The following NCKAP5 variants were observed in gnomAD, a reference collection of about 807,000 sequenced individuals.
NCKAP5 encodes NCK associated protein 5.
Under a neutral mutation model 167.0 loss-of-function variants are expected in NCKAP5, and 92 were observed. The ratio of observed to expected loss-of-function variants is 0.55; its 90% confidence interval spans 0.47 to 0.66. The LOEUF (loss-of-function observed/expected upper bound fraction) is 0.66, where lower values mean the gene tolerates loss of function less well. NCKAP5 is among the 30% of genes least tolerant of loss of function. The probability of loss-of-function intolerance (pLI) is 0.00; values close to 1 mark genes in which losing one functional copy is unlikely to be tolerated. For synonymous variants in NCKAP5, 891 were observed against 877.4 expected (o/e 1.02, Z -0.27); for missense variants, 2,378 against 2,315.0 (o/e 1.03, Z -0.56).
chr2:132,813,481 T>C (rs1212603001), intron 11 of NCKAP5, among the ~76,000 whole-genome samples: 1 of 152,164 alleles, frequency 6.6e-6, no homozygotes, highest in Non-Finnish European at 1.5e-5. Context: ...AGTATGCTTC[T>C]TCCTAAAAGG....
At chr2:133,028,261 CCATT>C (rs933323285) in intron 6 of NCKAP5, among the ~76,000 whole-genome samples, 3 of 152,022 alleles carry the variant, frequency 2.0e-5, no homozygotes, top group Admixed American at 6.6e-5. Context: ...TATTAGCTGC[CCATT>C]CAATCAAGCA....
At chr2:132,724,335 T>C (rs1690235647) in intron 19 of NCKAP5, among the ~76,000 whole-genome samples, 1 of 152,204 alleles carries the variant, frequency 6.6e-6, no homozygotes, top group African/African-American at 2.4e-5. Flanking sequence ...CTGGAAGGGA[T>C]CTTTGTCCAT....
intron 8 of NCKAP5, among the ~76,000 whole-genome samples, chr2:132,933,073 T>A (rs142933808): frequency 6.6e-6 from 1 of 151,994 alleles, no homozygotes; most frequent in Non-Finnish European, 1.5e-5. Flanking sequence ...TACAGGCACC[T>A]GCCACCACGC....
At chr2:133,614,201 G>A in the NCKAP5 span, among the ~76,000 whole-genome samples, 5 of 152,138 alleles carry the variant, frequency 3.3e-5, no homozygotes, top group East Asian at 1.9e-4. Flanking sequence ...AGGGAGTCTC[G>A]TGGTCTGGGG....
intron 11 of NCKAP5, among the ~76,000 whole-genome samples, chr2:132,839,234 G>A (rs1307881408): frequency 6.6e-6 from 1 of 151,974 alleles, no homozygotes; most frequent in East Asian, 1.9e-4. Flanking sequence ...TTCTTTTATA[G>A]CTTCTGGATT....
intron 5 of NCKAP5, among the ~76,000 whole-genome samples, chr2:133,193,103 G>T (rs1232653684): frequency 6.6e-6 from 1 of 152,064 alleles, no homozygotes; most frequent in Non-Finnish European, 1.5e-5. Flanking sequence ...ACAACAACTT[G>T]AATGATTCTC....
At chr2:133,157,359 G>C (rs1051873245) in intron 5 of NCKAP5, among the ~76,000 whole-genome samples, 1 of 152,174 alleles carries the variant, frequency 6.6e-6, no homozygotes, top group African/African-American at 2.4e-5. Context: ...AGGCATGTCT[G>C]TGAAGAACTA....
At chr2:133,280,469 C>G (rs958018536) in intron 4 of NCKAP5, among the ~76,000 whole-genome samples, 1 of 151,858 alleles carries the variant, frequency 6.6e-6, no homozygotes, top group Admixed American at 6.6e-5. Context: ...TGCAGTGGTA[C>G]GATCTCGGCT....
intron 6 of NCKAP5, among the ~76,000 whole-genome samples, chr2:133,021,969 T>G (rs2078545047): frequency 6.6e-6 from 1 of 152,194 alleles, no homozygotes; most frequent in South Asian, 2.1e-4. Context: ...GACAATGGTA[T>G]GTACACTTCT....
chr2:133,129,240 C>T (rs1477256514), intron 6 of NCKAP5, among the ~76,000 whole-genome samples: 2 of 151,824 alleles, frequency 1.3e-5, no homozygotes, highest in East Asian at 3.9e-4. Context: ...TGTTATCCCT[C>T]CCCGCTCCCC....
chr2:133,227,145 A>T (rs923604313), intron 4 of NCKAP5, among the ~76,000 whole-genome samples: 2 of 152,236 alleles, frequency 1.3e-5, no homozygotes, highest in African/African-American at 4.8e-5. Context: ...CTCTAGAGTT[A>T]TAAAATCTTT....
chr2:133,369,195 A>C (rs1200110547), intron 3 of NCKAP5, among the ~76,000 whole-genome samples: 1 of 152,232 alleles, frequency 6.6e-6, no homozygotes, highest in Non-Finnish European at 1.5e-5. Flanking sequence ...AAGGCACTTA[A>C]ACTGCATGAA....
chr2:132,690,305 G>A (rs941074490), intron 19 of NCKAP5, among the ~76,000 whole-genome samples: 1 of 152,196 alleles, frequency 6.6e-6, no homozygotes, highest in Admixed American at 6.5e-5. Flanking sequence ...ACTGTGTCCT[G>A]TCCAGGGCTG....
intron 4 of NCKAP5, among the ~76,000 whole-genome samples, chr2:133,251,572 T>G (rs1162546108): frequency 6.6e-6 from 1 of 152,100 alleles, no homozygotes; most frequent in Non-Finnish European, 1.5e-5. Context: ...GCATATAAAA[T>G]CATTCATTAT....
At chr2:133,558,695 T>C (rs982327213) in intron 2 of NCKAP5, among the ~76,000 whole-genome samples, 1 of 40,196 alleles carries the variant, frequency 2.5e-5, no homozygotes, top group Admixed American at 3.6e-4. Flanking sequence ...ACAGATGCAA[T>C]GTGCTGAGCA....
At chr2:133,593,931 C>G in the NCKAP5 span, among the ~76,000 whole-genome samples, 1 of 152,184 alleles carries the variant, frequency 6.6e-6, no homozygotes, top group African/African-American at 2.4e-5. Flanking sequence ...ATCCACAGAC[C>G]CTCTAGGCAG....
chr2:133,415,085 T>C (rs1327524947), intron 3 of NCKAP5, among the ~76,000 whole-genome samples: 2 of 152,220 alleles, frequency 1.3e-5, no homozygotes, highest in Non-Finnish European at 2.9e-5. Context: ...ATGTCTCAGA[T>C]TGATTCAGTT....
chr2:132,689,043 A>G (rs1175723563), intron 19 of NCKAP5, among the ~76,000 whole-genome samples: 1 of 150,760 alleles, frequency 6.6e-6, no homozygotes, highest in Non-Finnish European at 1.5e-5. Context: ...TACTTCTCCT[A>G]CTTTGGTTGA....
upstream of NCKAP5, among the ~76,000 whole-genome samples, chr2:133,568,804 T>C (rs1688740170): frequency 6.6e-6 from 1 of 152,180 alleles, no homozygotes; most frequent in Non-Finnish European, 1.5e-5. Flanking sequence ...TCGAGTCAAC[T>C]TCAGAGCCTG....
Sources: gnomAD v4.1 joint callset for allele counts (sites outside exome capture counted in the v4.1 genomes callset) on GRCh38, gnomAD v4.1.1 for gene constraint, MANE v1.5 for transcripts, NCBI Gene and HGNC (gene_info 2026-07-23, HGNC 2026-07-21) for gene names.